The following SCEL variants were observed in gnomAD, a reference collection of about 807,000 sequenced individuals.
The protein encoded by SCEL is sciellin.
A neutral mutation model predicts 117.6 loss-of-function variants in SCEL; 113 were observed. The ratio of observed to expected loss-of-function variants is 0.96; its 90% CI spans 0.83 to 1.12. The LOEUF (loss-of-function observed/expected upper bound fraction) is 1.12, where lower values mean the gene tolerates loss of function less well. Among genes scored for constraint, SCEL ranks in the 50% most tolerant of loss-of-function variants. The probability of loss-of-function intolerance (pLI) is 0.00; values close to 1 mark genes in which losing one functional copy is unlikely to be tolerated. For missense variants in SCEL, 785 were observed against 810.8 expected (o/e 0.97, Z 0.39); for synonymous variants, 270 against 256.2 (o/e 1.05, Z -0.51).
At chr13:77,639,402 A>G (rs566224969) in intron 30 of SCEL, among the ~76,000 whole-genome samples, 1 of 152,334 alleles carries the variant, frequency 6.6e-6, no homozygotes, top group African/African-American at 2.4e-5. Flanking sequence ...GTATAAAGCT[A>G]GATAAAGTTT....
chr13:77,615,936 A>G (rs997084676), intron 24 of SCEL, among the ~76,000 whole-genome samples: 6 of 151,850 alleles, frequency 4.0e-5, no homozygotes, highest in Non-Finnish European at 8.8e-5. Flanking sequence ...AATTAATAGA[A>G]TGAACTGAAT....
chr13:77,617,735 T>C (rs2089160169), intron 25 of SCEL, 68 bp from the exon 26 acceptor site: 1 of 1,483,562 alleles, frequency 6.7e-7, no homozygotes, highest in Non-Finnish European at 9.3e-7. Flanking sequence ...AGCAGATTTA[T>C]AACCTTAATG....
At chr13:77,584,574 T>A (rs539200791) in intron 9 of SCEL, among the ~76,000 whole-genome samples, 1 of 152,340 alleles carries the variant, frequency 6.6e-6, no homozygotes, top group East Asian at 1.9e-4. Context: ...CCTAGACATT[T>A]TAAAATGGAA....
rs528490349 is a variant in SCEL, at chr13:77,536,590, CTT to C, written c.-20+769_-20+770del. On this transcript the variant is annotated intron_variant, in intron 1 of 32. Coordinates refer to ENST00000349847, the MANE Select transcript of SCEL (RefSeq NM_144777.3). Reference sequence around the variant, plus strand: ...GTCCTGAAAAACCAGTTTTGGGAGACTTTTGATAAGGCTAGAAGAGTTCTTTT... The same window carrying C: ...GTCCTGAAAAACCAGTTTTGGGAGACTTGATAAGGCTAGAAGAGTTCTTTT... Among the ~76,000 whole-genome samples, 10 of 152,292 alleles carry C rather than the reference CTT, an allele frequency of 6.6e-5. No individual in the cohort carries two copies. In the East Asian group the frequency reaches 1.5e-3, roughly 23 times the overall value.
intron 11 of SCEL, among the ~76,000 whole-genome samples, chr13:77,592,455 G>T (rs764128446): frequency 6.6e-6 from 1 of 152,104 alleles, no homozygotes; most frequent in Non-Finnish European, 1.5e-5. Context: ...ATCAGCAAAA[G>T]TCGGTTACAT....
At chr13:77,642,840 T>C (rs753104933) in intron 32 of SCEL, 32 bp downstream of exon 32, 57 of 1,221,370 alleles carry the variant, frequency 4.7e-5, no homozygotes, top group Non-Finnish European at 5.2e-5. Context: ...TTTAACACTT[T>C]GGTTAACCTT....
rs926434277 is a variant in SCEL, at chr13:77,569,411, A to G, written c.439A>G (p.Ile147Val). The change falls in exon 8 of 33, where the codon ATA (isoleucine) becomes GTA (valine). Residue 147 changes from isoleucine to valine, a missense_variant. Ile to Val is a conservative substitution (Grantham distance 29). Transcript: ENST00000349847. ...GSLNANTSNTIASTSATTPVK... is the reference protein window; with the variant it reads ...GSLNANTSNTVASTSATTPVK... ...ATTGAATGCCAACACCTCCAACACCATAGCATCCACTTCTGCTACTACTCC... is the reference window on the plus strand; with the variant it reads ...ATTGAATGCCAACACCTCCAACACCGTAGCATCCACTTCTGCTACTACTCC... 1.9e-6 allele frequency: 3 copies of G among 1,613,872 alleles called. No homozygotes were observed. The highest frequency in any genetic ancestry group is 2.2e-5 in the East Asian group (1 of 44,892).
At chr13:77,622,195 C>T (rs2089458861) in intron 27 of SCEL, among the ~76,000 whole-genome samples, 2 of 152,124 alleles carry the variant, frequency 1.3e-5, no homozygotes, top group African/African-American at 2.4e-5. Context: ...TATGAAGACT[C>T]TTAATTTTGT....
rs147624140 is a variant in SCEL, at chr13:77,610,059, C to T, written c.1290C>T (p.Leu430=). 1.2e-5 allele frequency: 19 copies of T among 1,609,462 alleles called. No homozygotes were observed. The highest frequency in any genetic ancestry group is 4.4e-5 in the South Asian group (4 of 90,406). Reference sequence around the variant, plus strand: ...CTATGTTTTTAAGGGGCCAAAGTCTCGACAGCCTCATTAAAGTGACTCCTG... The same window carrying T: ...CTATGTTTTTAAGGGGCCAAAGTCTTGACAGCCTCATTAAAGTGACTCCTG... ...TEKSTEGGQS[L]DSLIKVTPER... The change falls in exon 22 of 33, where the codon CTC becomes CTT. Residue 430 remains leucine (L), a synonymous_variant. Coordinates refer to ENST00000349847, the MANE Select transcript of SCEL (RefSeq NM_144777.3).
chr13:77,605,772 C>T (rs943318895), intron 19 of SCEL, among the ~76,000 whole-genome samples: 9 of 152,024 alleles, frequency 5.9e-5, no homozygotes, highest in African/African-American at 9.7e-5. Context: ...TTTGGGAGGC[C>T]GAGGCGGGTG....
Position 77,555,857 on chromosome 13 carries a change from G to T in SCEL, c.-19G>T. ...TCTCTATTTCCCATTTTTCTTTTAGGTCCTTACTGGAAGGCAGCATGTCCA... is the reference window on the plus strand; with the variant it reads ...TCTCTATTTCCCATTTTTCTTTTAGTTCCTTACTGGAAGGCAGCATGTCCA... On this transcript the variant is annotated splice_region_variant and 5_prime_UTR_variant, in exon 2 of 33. Transcript: ENST00000349847. 1 of 1,607,756 alleles carries T rather than the reference G, an allele frequency of 6.2e-7. No homozygotes were observed. The highest frequency in any genetic ancestry group is 8.5e-7 in the Non-Finnish European group (1 of 1,174,584).
At chr13:77,643,889 G>A (rs1015581367) in intron 32 of SCEL, among the ~76,000 whole-genome samples, 3 of 152,132 alleles carry the variant, frequency 2.0e-5, no homozygotes, top group Non-Finnish European at 4.4e-5. Context: ...GGGTCTTGAT[G>A]TGCATGGTGG....
intron 1 of SCEL, among the ~76,000 whole-genome samples, chr13:77,549,051 ATTTCT>A (rs1353999629): frequency 1.3e-5 from 2 of 152,124 alleles, no homozygotes; most frequent in African/African-American, 4.8e-5. Flanking sequence ...TAATATACTG[ATTTCT>A]TTTCCTTGGG....
chr13:77,620,175 A>G (rs2089330937), intron 27 of SCEL, among the ~76,000 whole-genome samples: 1 of 152,196 alleles, frequency 6.6e-6, no homozygotes, highest in Non-Finnish European at 1.5e-5. Flanking sequence ...TTTGATGAGA[A>G]TCCACTGGGA....
Position 77,565,772 on chromosome 13 carries a change from G to A in SCEL, c.290+1873G>A, listed in dbSNP as rs559668185. 7.9e-5 allele frequency among the ~76,000 whole-genome samples: 12 copies of A among 151,906 alleles called. No homozygotes were observed. In the South Asian group the frequency reaches 2.5e-3, roughly 32 times the overall value. ...TATACTTATGTGTGTAAAATGTGAG[G>A]TGTGCAAAAGAGACATAAATAAATG... On this transcript the variant is annotated intron_variant, in intron 5 of 32. Transcript: ENST00000349847.
chr13:77,603,537 C>T (rs12868930), intron 18 of SCEL, among the ~76,000 whole-genome samples: 67,491 of 151,982 alleles, frequency 0.44, 16,790 homozygotes, highest in Non-Finnish European at 0.54. Context: ...ACAGCCCAGG[C>T]GAGGCTGGGC....
chr13:77,545,675 G>C (rs542863829), intron 1 of SCEL, among the ~76,000 whole-genome samples: 1 of 152,152 alleles, frequency 6.6e-6, no homozygotes, highest in East Asian at 1.9e-4. Flanking sequence ...ATGGCTCTGG[G>C]GCCACCCAAA....
intron 27 of SCEL, among the ~76,000 whole-genome samples, chr13:77,621,328 G>A (rs551670167): frequency 4.0e-5 from 6 of 151,802 alleles, no homozygotes; most frequent in Non-Finnish European, 8.8e-5. Flanking sequence ...GTCTATTATC[G>A]TTCTCCACCC....
At chr13:77,573,639 A>ATCTG (rs1334884324) in intron 9 of SCEL, among the ~76,000 whole-genome samples, 1 of 46,944 alleles carries the variant, frequency 2.1e-5, no homozygotes, top group Non-Finnish European at 4.2e-5. Context: ...CTGTCATTAC[A>ATCTG]TCTATCTATC....
Sources: allele counts gnomAD v4.1 joint callset (sites outside exome capture counted in the v4.1 genomes callset), GRCh38; gene constraint gnomAD v4.1.1; transcripts MANE v1.5; gene names NCBI Gene and HGNC (gene_info 2026-07-23, HGNC 2026-07-21).